Variants in PRUNE2 observed in about 807,000 individuals in gnomAD.
PRUNE2 encodes the protein protein prune homolog 2.
PRUNE2 carries 164 observed loss-of-function variants against 252.0 expected under a neutral mutation model. That is an observed-to-expected ratio of 0.65 (90% CI 0.57 to 0.74). The LOEUF (loss-of-function observed/expected upper bound fraction) is 0.74. Among genes scored for constraint, PRUNE2 ranks in the 30% least tolerant of loss-of-function variants. PRUNE2 has a pLI of 0.00. For synonymous variants in PRUNE2, 1,292 were observed against 1,350.2 expected, an observed-to-expected ratio of 0.96 and a Z score of 0.94; for missense variants, 3,495 against 3,711.0, an observed-to-expected ratio of 0.94 and a Z score of 1.51.
intron 6 of PRUNE2, among the ~76,000 whole-genome samples, chr9:76,766,098 G>A (rs927672691): frequency 6.0e-5 from 9 of 150,918 alleles, no homozygotes; most frequent in African/African-American, 1.9e-4. Context: ...CAGGAGAATC[G>A]CTTGAACCCT....
chr9:76,657,716 A>T (rs1248963455), intron 9 of PRUNE2, among the ~76,000 whole-genome samples: 1 of 152,270 alleles, frequency 6.6e-6, no homozygotes, highest in East Asian at 1.9e-4. Context: ...TTAAGGTATT[A>T]CATACCCTCC....
rs148209570 is a variant in PRUNE2 at position 76,678,225 on chromosome 9, G to A, written c.8277-22723C>T. ...AAATTAGCCAGACGTGGTGGTGGGC[G>A]CCTTTAATCCCAGCTACTCAGGAGG... On this transcript the variant is annotated intron_variant, in intron 9 of 18. Transcript: ENST00000376718. Among the ~76,000 whole-genome samples, 1,386 of 151,684 alleles carry A rather than the reference G, an allele frequency of 9.1e-3. 13 individuals are homozygous for A. Among genetic ancestry groups the A allele is most frequent in the Non-Finnish European group, 0.011 (761 of 67,880 alleles).
At chr9:76,636,850 A>G (rs1840278336) in intron 14 of PRUNE2, among the ~76,000 whole-genome samples, 1 of 152,048 alleles carries the variant, frequency 6.6e-6, no homozygotes, top group Non-Finnish European at 1.5e-5. Context: ...CTGGCTACTC[A>G]GTGGGTTAGA....
chr9:76,678,303 A>G (rs2134147242), intron 9 of PRUNE2, among the ~76,000 whole-genome samples: 1 of 132,194 alleles, frequency 7.6e-6, no homozygotes, highest in Non-Finnish European at 1.6e-5. Context: ...GTGAGCCGAG[A>G]TGGTGCCACT....
intron 9 of PRUNE2, among the ~76,000 whole-genome samples, chr9:76,686,453 T>G (rs1307705014): frequency 2.6e-5 from 4 of 152,294 alleles, no homozygotes; most frequent in Admixed American, 2.0e-4. Context: ...CTTTTGTTTT[T>G]ATTTTTGTTT....
chr9:76,809,852 G>A (rs73653213), intron 6 of PRUNE2, among the ~76,000 whole-genome samples: 4,246 of 152,290 alleles, frequency 0.028, 185 homozygotes, highest in African/African-American at 0.094. Flanking sequence ...GTGATTAAGT[G>A]GATGGATAAA....
At chr9:76,793,255 T>A (rs2055732474) in intron 6 of PRUNE2, among the ~76,000 whole-genome samples, 1 of 152,174 alleles carries the variant, frequency 6.6e-6, no homozygotes, top group Non-Finnish European at 1.5e-5. Flanking sequence ...ATAATGTAAA[T>A]AATTCTGCAC....
In PRUNE2 at chr9:76,823,672, T is replaced by C. The variant is rs1312620188; in HGVS notation, c.716A>G (p.Glu239Gly). The change falls in exon 6 of 19, where the codon GAA becomes GGA. Residue 239 changes from glutamate to glycine, a missense_variant. Transcript: ENST00000376718. ...LKDLKELSDG[E>G]IKVAISTVSM... ...CACAGTACTAATGGCCACTTTTATT[T>C]CTCCATCTGACAGCTCCTTTAGATC... 1 of 1,612,528 alleles carries C rather than the reference T, an allele frequency of 6.2e-7. No individual in the cohort carries two copies. The highest frequency in any genetic ancestry group is 1.1e-5 in the South Asian group (1 of 91,054).
At chr9:76,619,436 C>T in intron 17 of PRUNE2, 49 bp from the exon 18 acceptor site, 2 of 1,336,958 alleles carry the variant, frequency 1.5e-6, no homozygotes, top group Non-Finnish European at 2.1e-6. Context: ...CCCACTGTCA[C>T]CACTGTGAAA....
chr9:76,783,271 G>C lies in PRUNE2; in HGVS notation c.756+40361C>G, dbSNP rs141032529. On this transcript the variant is annotated intron_variant, in intron 6 of 18. Coordinates refer to ENST00000376718, the MANE Select transcript of PRUNE2 (RefSeq NM_015225.3). ...CCTGCCTCAGCCTCCCAAGTAGCTG[G>C]GATTACAGGCATGCACCAGCACGCC... Among the ~76,000 whole-genome samples, 416 of 152,244 alleles carry C rather than the reference G, an allele frequency of 2.7e-3. 2 individuals carry two copies. The highest frequency in any genetic ancestry group is 9.6e-3 in the African/African-American group (398 of 41,538).
At chr9:76,861,432 G>A (rs1038998546) in intron 1 of PRUNE2, among the ~76,000 whole-genome samples, 1 of 152,212 alleles carries the variant, frequency 6.6e-6, no homozygotes, top group African/African-American at 2.4e-5. Flanking sequence ...ACAGGCATCA[G>A]TGTGAACAAA....
At chr9:76,645,089 T>C in intron 11 of PRUNE2, 180 bp from the exon 12 acceptor site, 1 of 561,728 alleles carries the variant, frequency 1.8e-6, no homozygotes, top group Non-Finnish European at 3.1e-6. Context: ...AGCTTAGCAC[T>C]ATCCTGACCA....
intron 15 of PRUNE2, among the ~76,000 whole-genome samples, chr9:76,631,704 T>C (rs934885537): frequency 6.6e-6 from 1 of 152,218 alleles, no homozygotes; most frequent in Non-Finnish European, 1.5e-5. Flanking sequence ...CAGGGGTACA[T>C]GTGCAGGTTT....
At chr9:76,731,466 C>T (rs1433308618) in intron 6 of PRUNE2, among the ~76,000 whole-genome samples, 1 of 151,766 alleles carries the variant, frequency 6.6e-6, no homozygotes, top group Non-Finnish European at 1.5e-5. Context: ...GGACTGCAGG[C>T]ACACACCACT....
At chr9:76,789,482 T>C (rs2055345123) in intron 6 of PRUNE2, among the ~76,000 whole-genome samples, 1 of 152,296 alleles carries the variant, frequency 6.6e-6, no homozygotes, top group Admixed American at 6.5e-5. Context: ...GCTGTTACTC[T>C]AGGGGGCTCC....
chr9:76,619,901 A>C (rs2131974822), intron 17 of PRUNE2, among the ~76,000 whole-genome samples: 1 of 152,334 alleles, frequency 6.6e-6, no homozygotes, highest in South Asian at 2.1e-4. Flanking sequence ...CATACAGCTG[A>C]GCTGTGTCCA....
chr9:76,758,499 A>C (rs1331586779), intron 6 of PRUNE2: 4 of 149,874 alleles, frequency 2.7e-5, no homozygotes, highest in Non-Finnish European at 5.9e-5. Context: ...TATCTTTAAA[A>C]AAATTTTTTT....
chr9:76,727,774 G>A (rs1040503185), intron 6 of PRUNE2, among the ~76,000 whole-genome samples: 4 of 140,136 alleles, frequency 2.9e-5, no homozygotes, highest in African/African-American at 1.1e-4. Flanking sequence ...GAGTGCAGTG[G>A]GGTGATTTCG....
At chr9:76,682,492 G>C (rs1411783310) in intron 9 of PRUNE2, among the ~76,000 whole-genome samples, 2 of 151,458 alleles carry the variant, frequency 1.3e-5, no homozygotes, top group Admixed American at 1.3e-4. Context: ...CTCCCAAGTA[G>C]CTGGGATTAC....
Sources: gnomAD v4.1 joint callset for allele counts (sites outside exome capture counted in the v4.1 genomes callset) on GRCh38, gnomAD v4.1.1 for gene constraint, MANE v1.5 for transcripts, NCBI Gene and HGNC (gene_info 2026-07-23, HGNC 2026-07-21) for gene names.